Variants in DIAPH2 observed in about 807,000 individuals in gnomAD.
DIAPH2 encodes protein diaphanous homolog 2.
DIAPH2 carries 35 observed loss-of-function variants against 92.7 expected under a neutral mutation model. The observed-to-expected ratio is 0.38, with a 90% CI of 0.29 to 0.50. DIAPH2 has a LOEUF of 0.50. Ranked by LOEUF, DIAPH2 falls within the 20% of genes least tolerant of loss-of-function variation. The pLI, the probability that DIAPH2 is intolerant of heterozygous loss-of-function variation, is 0.94. For missense variants in DIAPH2, 701 were observed against 819.5 expected, an observed-to-expected ratio of 0.86 and a Z score of 1.77; for synonymous variants, 301 against 280.4, an observed-to-expected ratio of 1.07 and a Z score of -0.73.
chrX:96,884,941 G>A lies in DIAPH2; in HGVS notation c.587+3223G>A. 16 of 1,211,400 alleles carry A rather than the reference G, an allele frequency of 1.3e-5. No homozygotes were observed. Among genetic ancestry groups the A allele is most frequent in the Non-Finnish European group, 1.8e-5 (16 of 895,482 alleles). ...GGACGAAGTGCTGCGTTTGATTCAT[G>A]AGTGTCCTCATCAGGAAGGGAAGAG... is the stretch of plus-strand genomic sequence containing the variant. On this transcript the variant is annotated intron_variant, in intron 5 of 26. Coordinates refer to ENST00000324765, the MANE Select transcript of DIAPH2 (RefSeq NM_006729.5).
At chrX:96,962,298 TACATATATATATACATATATATATAC>T (rs1569436403) in intron 16 of DIAPH2, among the ~76,000 whole-genome samples, 7 of 50,493 alleles carry the variant, frequency 1.4e-4, no homozygotes, top group African/African-American at 5.2e-4. Context: ...TATATATATA[TACATATATATATACATATATATATAC>T]ACATATATAT....
chrX:97,254,214 G>A (rs2068215482), intron 23 of DIAPH2, among the ~76,000 whole-genome samples: 1 of 111,558 alleles, frequency 9.0e-6, no homozygotes. Context: ...ACTCAAGGCT[G>A]GGCGCGGTGG....
chrX:97,005,245 C>T, intron 17 of DIAPH2, among the ~76,000 whole-genome samples: 1 of 110,277 alleles, frequency 9.1e-6, no homozygotes, highest in Middle Eastern at 4.7e-3. Context: ...AGACATATTG[C>T]CTGTAGTTTT....
rs530024719 is a variant in DIAPH2, at chrX:97,319,822, G to A, written c.2845-28294G>A. On this transcript the variant is annotated intron_variant, in intron 23 of 26. Coordinates refer to ENST00000324765, the MANE Select transcript of DIAPH2 (RefSeq NM_006729.5). ...ATATAATTGATAATAAATATTGGCC[G>A]GTTGCAGTGGCTCATGCCTGCAATC... Among the ~76,000 whole-genome samples, 90 of 109,618 alleles carry A rather than the reference G, an allele frequency of 8.2e-4. No individual in the cohort carries two copies. The Middle Eastern group carries it at 0.019, about 23-fold the overall frequency.
intron 21 of DIAPH2, among the ~76,000 whole-genome samples, chrX:97,131,465 C>A (rs759723127): frequency 9.0e-6 from 1 of 111,222 alleles, no homozygotes; most frequent in African/African-American, 3.3e-5. Context: ...CCTTTAAATG[C>A]GATTTATTAT....
At chrX:97,269,436 A>G (rs1306697041) in intron 23 of DIAPH2, among the ~76,000 whole-genome samples, 1 of 112,544 alleles carries the variant, frequency 8.9e-6, no homozygotes, top group Non-Finnish European at 1.9e-5. Context: ...CTAAGACACA[A>G]TCTTATCAAT....
chrX:97,388,101 A>G (rs1276587601), intron 25 of DIAPH2, among the ~76,000 whole-genome samples: 1 of 111,289 alleles, frequency 9.0e-6, no homozygotes, highest in Non-Finnish European at 1.9e-5. Flanking sequence ...GCTTAGAACA[A>G]CAGATACATG....
At chrX:97,044,304 C>A (rs970657638) in intron 17 of DIAPH2, among the ~76,000 whole-genome samples, 25 of 110,929 alleles carry the variant, frequency 2.3e-4, no homozygotes, top group Non-Finnish European at 4.0e-4. Context: ...TATCAGGTAT[C>A]TTTTTTTCTT....
chrX:96,938,838 A>G (rs987408661), intron 11 of DIAPH2, among the ~76,000 whole-genome samples: 2 of 112,102 alleles, frequency 1.8e-5, no homozygotes, highest in Admixed American at 1.9e-4. Context: ...AGCAGTTTAC[A>G]GCATGCTCAT....
chrX:96,809,491 C>G (rs1228764704), intron 4 of DIAPH2, among the ~76,000 whole-genome samples: 2 of 109,008 alleles, frequency 1.8e-5, no homozygotes, highest in Non-Finnish European at 3.8e-5. Flanking sequence ...CATTGCACCA[C>G]AACTCTTTTT....
Position 97,509,869 on chromosome X carries a change from T to C in DIAPH2, c.3241+80124T>C, listed in dbSNP as rs1236835846. 1.3e-4 allele frequency among the ~76,000 whole-genome samples: 14 copies of C among 110,788 alleles called. 1 individual carries two copies. In the Admixed American group the frequency reaches 1.3e-3, roughly 11 times the overall value. On this transcript the variant is annotated intron_variant, in intron 26 of 26. Transcript: ENST00000324765. Reference sequence around the variant, plus strand: ...TTTTTTATGGCTGCATAGTATTCCATGGTGTATATGTGCCACATTTTCTTA... The same window carrying C: ...TTTTTTATGGCTGCATAGTATTCCACGGTGTATATGTGCCACATTTTCTTA...
chrX:97,576,234 C>T (rs2071398911), intron 26 of DIAPH2, among the ~76,000 whole-genome samples: 2 of 111,594 alleles, frequency 1.8e-5, no homozygotes, highest in Admixed American at 9.6e-5. Context: ...CAAAAGGTCA[C>T]TCACCAGGCA....
intron 23 of DIAPH2, among the ~76,000 whole-genome samples, chrX:97,255,282 T>C (rs1315626303): frequency 8.9e-6 from 1 of 111,979 alleles, no homozygotes; most frequent in Non-Finnish European, 1.9e-5. Flanking sequence ...TTTGAAAGGA[T>C]TGTAAACTGA....
rs141256210 is a variant in DIAPH2, at chrX:97,421,641, C to T, written c.3146-8009C>T. On this transcript the variant is annotated intron_variant, in intron 25 of 26. Transcript: ENST00000324765. ...ATCTGACTGTACCTAGAGTTCTATGCAGAATAATATTTGTCACTGCAAATC... is the reference window on the plus strand; with the variant it reads ...ATCTGACTGTACCTAGAGTTCTATGTAGAATAATATTTGTCACTGCAAATC... 3.8e-3 allele frequency among the ~76,000 whole-genome samples: 427 copies of T among 111,747 alleles called. 3 individuals are homozygous for T. The highest frequency in any genetic ancestry group is 0.013 in the African/African-American group (398 of 30,816).
rs182487744 is a variant in DIAPH2 at position 96,934,820 on chromosome X, A to T, written c.1090-2413A>T. Reference sequence around the variant, plus strand: ...CTGAAATTTTCCCCATTTGCCTTTTATTTAGTTAAATAAATTAAGAAAATA... The same window carrying T: ...CTGAAATTTTCCCCATTTGCCTTTTTTTTAGTTAAATAAATTAAGAAAATA... On this transcript the variant is annotated intron_variant, in intron 10 of 26. Transcript: ENST00000324765. Among the ~76,000 whole-genome samples the T allele has an allele frequency of 1.7e-4, 19 of 111,475 alleles. No homozygotes were observed. In the East Asian group the frequency reaches 4.8e-3, roughly 28 times the overall value.
Position 96,957,985 on chromosome X carries a change from C to T in DIAPH2, c.1772C>T (p.Pro591Leu). 1 of 1,208,050 alleles carries T rather than the reference C, an allele frequency of 8.3e-7. No homozygotes were observed. Among genetic ancestry groups the T allele is most frequent in the Non-Finnish European group, 1.1e-6 (1 of 893,021 alleles). Residue 591 changes from proline to leucine, a missense_variant, in exon 16 of 27, where the codon CCA becomes CTA. Physicochemically the swap from Pro to Leu is moderately conservative, Grantham distance 98. Coordinates refer to ENST00000324765, the MANE Select transcript of DIAPH2 (RefSeq NM_006729.5). ...PPPLPGMMGI[P>L]PPPPPPLLFG... ...CCTTTACCTGGAATGATGGGGATACCACCACCACCCCCACCACCACTTTTA... is the reference window on the plus strand; with the variant it reads ...CCTTTACCTGGAATGATGGGGATACTACCACCACCCCCACCACCACTTTTA...
chrX:97,014,808 CAAT>C (rs2073211329), intron 17 of DIAPH2, among the ~76,000 whole-genome samples: 1 of 111,411 alleles, frequency 9.0e-6, no homozygotes, highest in African/African-American at 3.3e-5. Context: ...ATAGGAAGGA[CAAT>C]AATATTACCT....
chrX:97,499,186 A>G lies in DIAPH2; in HGVS notation c.3241+69441A>G, dbSNP rs73632889. The stretch of plus-strand genomic sequence containing the variant: ...CTTAATTCCTCATTTGTGTTCTGGG[A>G]TCAATTCAGTTGTGTCTCTTATCTT... On this transcript the variant is annotated intron_variant, in intron 26 of 26. Transcript: ENST00000324765. Among the ~76,000 whole-genome samples the G allele has an allele frequency of 2.3e-3, 260 of 112,152 alleles. 1 individual carries two copies. Among genetic ancestry groups the G allele is most frequent in the African/African-American group, 8.1e-3 (251 of 30,913 alleles).
chrX:97,464,458 A>T (rs1001649665), intron 26 of DIAPH2, among the ~76,000 whole-genome samples: 3 of 110,842 alleles, frequency 2.7e-5, no homozygotes, highest in Non-Finnish European at 3.8e-5. Flanking sequence ...TTGTTTGAAC[A>T]TGACTGCCAC....
Sources: gnomAD v4.1 joint callset for allele counts (sites outside exome capture counted in the v4.1 genomes callset) on GRCh38, gnomAD v4.1.1 for gene constraint, MANE v1.5 for transcripts, NCBI Gene and HGNC (gene_info 2026-07-23, HGNC 2026-07-21) for gene names.